The following SLC2A9 variants were observed in gnomAD, a reference collection of about 807,000 sequenced individuals.
The protein encoded by SLC2A9 is solute carrier family 2 member 9.
Under a neutral mutation model 50.6 loss-of-function variants are expected in SLC2A9, and 39 were observed. The observed-to-expected ratio is 0.77, with a 90% CI of 0.60 to 1.01. The LOEUF is 1.01. SLC2A9 is among the 50% of genes least tolerant of loss of function. SLC2A9 has a pLI of 0.00. For synonymous variants in SLC2A9, 324 were observed against 276.9 expected (o/e 1.17, Z -1.69); for missense variants, 686 against 677.6 (o/e 1.01, Z -0.14).
At chr4:9,859,888 G>A (rs1106059) in intron 10 of SLC2A9, among the ~76,000 whole-genome samples, 10,853 of 152,116 alleles carry the variant, frequency 0.071, 918 homozygotes, top group East Asian at 0.25. Context: ...TGTGACAAGC[G>A]GCCTCTGCAA....
intron 10 of SLC2A9, among the ~76,000 whole-genome samples, chr4:9,865,210 T>G (rs1199707334): frequency 1.3e-5 from 2 of 152,220 alleles, no homozygotes; most frequent in Non-Finnish European, 2.9e-5. Context: ...CTATTACAGC[T>G]AAAGGTAGGT....
intron 3 of SLC2A9, among the ~76,000 whole-genome samples, chr4:9,789,162 G>A (rs561329691): frequency 7.9e-5 from 12 of 152,058 alleles, no homozygotes; most frequent in South Asian, 2.1e-4. Context: ...ATCACCTCTC[G>A]TTCAAATCTT....
At chr4:9,831,204 G>A (rs1323125620) in intron 11 of SLC2A9, among the ~76,000 whole-genome samples, 1 of 152,070 alleles carries the variant, frequency 6.6e-6, no homozygotes, top group East Asian at 1.9e-4. Flanking sequence ...GCTGCTGTGG[G>A]CTGAACTGCG....
chr4:9,937,305 C>G (rs1747269121), intron 6 of SLC2A9, among the ~76,000 whole-genome samples: 1 of 152,152 alleles, frequency 6.6e-6, no homozygotes, highest in Non-Finnish European at 1.5e-5. Flanking sequence ...TTTCCCGCCC[C>G]TTTTTGGCCC....
intron 11 of SLC2A9, among the ~76,000 whole-genome samples, chr4:9,830,705 T>C (rs1560163948): frequency 6.6e-6 from 1 of 152,338 alleles, no homozygotes; most frequent in East Asian, 1.9e-4. Flanking sequence ...AGGCATACAT[T>C]TGCATGCAAT....
At chr4:9,887,540 G>A (rs1736502475) in intron 10 of SLC2A9, 27 bp downstream of exon 10, 2 of 1,546,210 alleles carry the variant, frequency 1.3e-6, no homozygotes, top group Non-Finnish European at 1.7e-6. Context: ...CCCTGGGCGG[G>A]GCAGTGGGGA....
At chr4:9,852,276 C>T (rs1414511238) in intron 10 of SLC2A9, among the ~76,000 whole-genome samples, 3 of 149,936 alleles carry the variant, frequency 2.0e-5, no homozygotes, top group African/African-American at 7.4e-5. Context: ...GACGGAGTCT[C>T]GCTCTGTCGC....
At chr4:10,028,338 G>A (rs1763820685) in intron 1 of SLC2A9, among the ~76,000 whole-genome samples, 1 of 152,236 alleles carries the variant, frequency 6.6e-6, no homozygotes, top group South Asian at 2.1e-4. Context: ...GAATTTCAGT[G>A]GTTGAAAAGT....
At chr4:9,845,915 T>G (rs1728911643) in intron 10 of SLC2A9, among the ~76,000 whole-genome samples, 2 of 152,244 alleles carry the variant, frequency 1.3e-5, no homozygotes, top group South Asian at 4.1e-4. Context: ...TCTGTTTTGT[T>G]TATGTAAATA....
chr4:9,977,824 G>C (rs1004850352), intron 5 of SLC2A9, among the ~76,000 whole-genome samples: 4 of 152,100 alleles, frequency 2.6e-5, no homozygotes, highest in Non-Finnish European at 5.9e-5. Flanking sequence ...GACCTCCGAA[G>C]GGCAGGGCTA....
At chr4:9,956,993 G>A (rs73806673) in intron 5 of SLC2A9, among the ~76,000 whole-genome samples, 164 of 152,188 alleles carry the variant, frequency 1.1e-3, no homozygotes, top group African/African-American at 3.8e-3. Context: ...GGGAAGTGAA[G>A]ACATTTGCCC....
downstream of SLC2A9, among the ~76,000 whole-genome samples, chr4:9,821,605 C>A (rs1724409122): frequency 6.6e-6 from 1 of 151,848 alleles, no homozygotes; most frequent in South Asian, 2.1e-4. Flanking sequence ...ATGTAACAAA[C>A]CTGCATGCTC....
At chr4:9,873,539 C>T (rs1733792011) in intron 10 of SLC2A9, among the ~76,000 whole-genome samples, 1 of 152,148 alleles carries the variant, frequency 6.6e-6, no homozygotes, top group South Asian at 2.1e-4. Flanking sequence ...TGCACACTTC[C>T]CCTTCTTTTC....
At chr4:9,893,206 A>T (rs753616854) in intron 8 of SLC2A9, among the ~76,000 whole-genome samples, 1 of 151,986 alleles carries the variant, frequency 6.6e-6, no homozygotes, top group African/African-American at 2.4e-5. Context: ...GGCACTGATC[A>T]CTTTTCTGCC....
intron 1 of SLC2A9, among the ~76,000 whole-genome samples, chr4:10,031,832 G>A (rs777678764): frequency 1.3e-5 from 2 of 152,170 alleles, no homozygotes; most frequent in Non-Finnish European, 2.9e-5. Context: ...TGTAAATACT[G>A]TGCTGATTAA....
chr4:9,980,957 A>T (rs1432494843), intron 4 of SLC2A9, among the ~76,000 whole-genome samples: 1 of 152,018 alleles, frequency 6.6e-6, no homozygotes, highest in Non-Finnish European at 1.5e-5. Flanking sequence ...AGGACAGGAC[A>T]CAGCTGATGG....
At chr4:10,033,549 C>T (rs1764003307) in intron 1 of SLC2A9, among the ~76,000 whole-genome samples, 1 of 152,198 alleles carries the variant, frequency 6.6e-6, no homozygotes, top group Non-Finnish European at 1.5e-5. Flanking sequence ...AGCCTGGCTT[C>T]CTCTGAGCAT....
At chr4:9,961,524 C>A (rs190996647) in intron 5 of SLC2A9, among the ~76,000 whole-genome samples, 99 of 152,244 alleles carry the variant, frequency 6.5e-4, no homozygotes, top group Non-Finnish European at 1.2e-3. Context: ...AAACTGGACC[C>A]CTTCCTTACA....
intron 5 of SLC2A9, among the ~76,000 whole-genome samples, chr4:9,951,759 C>A (rs912009386): frequency 1.3e-5 from 2 of 152,296 alleles, no homozygotes; most frequent in Admixed American, 1.3e-4. Flanking sequence ...AAATGTTCCT[C>A]ATTATTCTCA....
Sources: gnomAD v4.1 joint callset for allele counts (sites outside exome capture counted in the v4.1 genomes callset) on GRCh38, gnomAD v4.1.1 for gene constraint, MANE v1.5 for transcripts, NCBI Gene and HGNC (gene_info 2026-07-23, HGNC 2026-07-21) for gene names.